AUTS2: variants seen among roughly 807,000 people sequenced by gnomAD.
AUTS2 encodes autism susceptibility gene 2 protein.
AUTS2 carries 17 observed loss-of-function variants against 112.4 expected under a neutral mutation model. The observed-to-expected ratio is 0.15, with a 90% CI of 0.10 to 0.23. The LOEUF is 0.23. AUTS2 is among the 10% of genes least tolerant of loss of function. The pLI, the probability that AUTS2 is intolerant of heterozygous loss-of-function variation, is 1.00. For synonymous variants in AUTS2, 751 were observed against 702.7 expected (o/e 1.07, Z -1.09); for missense variants, 1,510 against 1,701.6 (o/e 0.89, Z 1.98).
At chr7:70,672,086 A>AGGG (rs1338190626) in intron 5 of AUTS2, among the ~76,000 whole-genome samples, 7 of 152,166 alleles carry the variant, frequency 4.6e-5, no homozygotes, top group Non-Finnish European at 8.8e-5. Flanking sequence ...AATCAGGAGG[A>AGGG]AATCCCAATG....
At chr7:70,392,431 TAGA>T (rs1461302682) in intron 4 of AUTS2, among the ~76,000 whole-genome samples, 7 of 152,182 alleles carry the variant, frequency 4.6e-5, no homozygotes, top group South Asian at 4.1e-4. Flanking sequence ...TTGCAAAAAA[TAGA>T]AGGTCGTTAC....
At chr7:69,808,910 T>G (rs1176238128) in intron 1 of AUTS2, among the ~76,000 whole-genome samples, 1 of 152,092 alleles carries the variant, frequency 6.6e-6, no homozygotes, top group Non-Finnish European at 1.5e-5. Flanking sequence ...AGAACAATCA[T>G]TTGCCTTCTG....
At chr7:70,534,273 G>A (rs1467359375) in intron 5 of AUTS2, among the ~76,000 whole-genome samples, 2 of 152,198 alleles carry the variant, frequency 1.3e-5, no homozygotes, top group Non-Finnish European at 2.9e-5. Context: ...GTACTCAAGG[G>A]TTGATTTCTG....
intron 2 of AUTS2, among the ~76,000 whole-genome samples, chr7:69,927,205 T>TATATAC (rs967968951): frequency 4.1e-5 from 6 of 147,462 alleles, no homozygotes; most frequent in Non-Finnish European, 9.0e-5. Flanking sequence ...TATATATATA[T>TATATAC]ACATACTATA....
At chr7:70,754,978 T>C (rs1789102742) in intron 6 of AUTS2, among the ~76,000 whole-genome samples, 1 of 152,236 alleles carries the variant, frequency 6.6e-6, no homozygotes, top group South Asian at 2.1e-4. Flanking sequence ...GCAGAAGCTG[T>C]ACTTTGGGAG....
At chr7:70,146,942 T>A (rs1562737878) in intron 4 of AUTS2, among the ~76,000 whole-genome samples, 1 of 152,158 alleles carries the variant, frequency 6.6e-6, no homozygotes, top group Non-Finnish European at 1.5e-5. Context: ...ATTAAAAAAT[T>A]TAAAATATGC....
At chr7:69,683,555 A>C (rs891932022) in intron 1 of AUTS2, among the ~76,000 whole-genome samples, 1 of 152,140 alleles carries the variant, frequency 6.6e-6, no homozygotes. Flanking sequence ...CCTGTGTGAC[A>C]GAGCAAAAAC....
chr7:70,722,244 T>C (rs1443444771), intron 6 of AUTS2, among the ~76,000 whole-genome samples: 1 of 152,046 alleles, frequency 6.6e-6, no homozygotes, highest in East Asian at 1.9e-4. Flanking sequence ...CATGGTGGGG[T>C]TTGTTACCCA....
chr7:70,096,411 A>G (rs530528267), intron 2 of AUTS2, among the ~76,000 whole-genome samples: 6 of 152,056 alleles, frequency 3.9e-5, no homozygotes, highest in Admixed American at 2.0e-4. Flanking sequence ...AGCCTCGCCA[A>G]CATAGTGAAA....
At chr7:70,499,649 A>G (rs1388530492) in intron 5 of AUTS2, among the ~76,000 whole-genome samples, 1 of 152,250 alleles carries the variant, frequency 6.6e-6, no homozygotes, top group African/African-American at 2.4e-5. Context: ...GGAATGTGTT[A>G]GTATTCTTTG....
chr7:69,927,190 A>ATATG (rs1262661472), intron 2 of AUTS2, among the ~76,000 whole-genome samples: 114 of 147,372 alleles, frequency 7.7e-4, no homozygotes, highest in African/African-American at 2.7e-3. Context: ...ATATATTTAT[A>ATATG]TATATATATA....
intron 1 of AUTS2, among the ~76,000 whole-genome samples, chr7:69,773,089 A>C (rs191440574): frequency 3.3e-5 from 5 of 152,220 alleles, no homozygotes; most frequent in Admixed American, 2.0e-4. Context: ...ATTTATTTGA[A>C]TTTTTTGGAA....
chr7:70,538,927 G>A (rs142425342), intron 5 of AUTS2, among the ~76,000 whole-genome samples: 5 of 152,210 alleles, frequency 3.3e-5, no homozygotes, highest in African/African-American at 9.6e-5. Context: ...TGAACAAAAC[G>A]GGTTTTCTTT....
At chr7:70,691,420 GAAAA>G in intron 5 of AUTS2, among the ~76,000 whole-genome samples, 1 of 148,136 alleles carries the variant, frequency 6.8e-6, no homozygotes, top group Non-Finnish European at 1.5e-5. Flanking sequence ...ATTTCTCAAG[GAAAA>G]AAAAAAAAAA....
chr7:70,536,484 A>G (rs778560423), intron 5 of AUTS2, among the ~76,000 whole-genome samples: 39 of 149,576 alleles, frequency 2.6e-4, no homozygotes, highest in Admixed American at 2.0e-4. Flanking sequence ...TATGCAGAGT[A>G]GGCACACCTC....
At chr7:69,886,819 C>T (rs948590504) in intron 1 of AUTS2, among the ~76,000 whole-genome samples, 48 of 148,146 alleles carry the variant, frequency 3.2e-4, no homozygotes, top group Admixed American at 2.0e-4. Flanking sequence ...GTCAGGGTCT[C>T]ATTCTGTCAC....
intron 4 of AUTS2, among the ~76,000 whole-genome samples, chr7:70,298,205 T>A (rs1789037627): frequency 6.6e-6 from 1 of 152,048 alleles, no homozygotes; most frequent in African/African-American, 2.4e-5. Context: ...CTAGTTTTTA[T>A]ATTTTTAGTA....
chr7:70,441,264 T>A lies in AUTS2; in HGVS notation c.690+5483T>A, dbSNP rs188367418. Among the ~76,000 whole-genome samples the A allele has an allele frequency of 3.9e-5, 6 of 152,364 alleles. No homozygotes were observed. In the East Asian group the frequency reaches 9.6e-4, roughly 24 times the overall value. On this transcript the variant is annotated intron_variant, in intron 5 of 18. Coordinates refer to ENST00000342771, the MANE Select transcript of AUTS2 (RefSeq NM_015570.4). ...CACCTGGAGAAGGTGTTTGTGCTCC[T>A]GGGCTTTGCTTTGGTACTGTGTCCT...
chr7:70,616,753 GTTTTT>G (rs67691820), intron 5 of AUTS2, among the ~76,000 whole-genome samples: 1 of 131,304 alleles, frequency 7.6e-6, no homozygotes, highest in Non-Finnish European at 1.6e-5. Flanking sequence ...GTGTCGAATA[GTTTTT>G]TTTTTTTTTT....
Sources: gnomAD v4.1 joint callset for allele counts (sites outside exome capture counted in the v4.1 genomes callset) on GRCh38, gnomAD v4.1.1 for gene constraint, MANE v1.5 for transcripts, NCBI Gene and HGNC (gene_info 2026-07-23, HGNC 2026-07-21) for gene names.